Variants in ZNF324B observed in about 807,000 individuals in gnomAD.
The protein encoded by ZNF324B is zinc finger protein 324B.
In ZNF324B, 7 loss-of-function variants were observed where a neutral mutation model predicts 10.6. The observed-to-expected ratio is 0.66, with a 90% CI of 0.38 to 1.24. ZNF324B has a LOEUF of 1.24. Ranked by LOEUF, ZNF324B falls within the 50% of genes most tolerant of loss-of-function variation. ZNF324B has a pLI of 0.02. For missense variants in ZNF324B, 640 were observed against 764.7 expected (o/e 0.84, Z 1.92); for synonymous variants, 316 against 321.0 (o/e 0.98, Z 0.17).
At chr19:58,453,597 G>A (rs2052883150) in intron 1 of ZNF324B, 99 bp from the exon 2 acceptor site, 25 of 1,527,068 alleles carry the variant, frequency 1.6e-5, no homozygotes, top group Non-Finnish European at 2.3e-5. Flanking sequence ...CCCAAGGAAG[G>A]AGGGACACTG....
At chr19:58,437,027 A>C in the ZNF324B span, 1 of 1,614,184 alleles carries the variant, frequency 6.2e-7, no homozygotes, top group East Asian at 2.2e-5. Flanking sequence ...AGTCATCACC[A>C]TGCTGAGACA....
At chr19:58,451,992 C>CG (rs972199090) in intron 1 of ZNF324B, 100 of 235,452 alleles carry the variant, frequency 4.2e-4, no homozygotes, top group Non-Finnish European at 6.2e-4. Flanking sequence ...AAGCCCGCGC[C>CG]GGGGGGGCGG....
chr19:58,425,056 C>T, the ZNF324B span, among the ~76,000 whole-genome samples: 1 of 152,046 alleles, frequency 6.6e-6, no homozygotes, highest in Admixed American at 6.5e-5. Context: ...GAGTTTGAAA[C>T]CAGCATTGCC....
chr19:58,432,986 C>A, the ZNF324B span: 1 of 192,264 alleles, frequency 5.2e-6, no homozygotes, highest in Non-Finnish European at 1.1e-5. Context: ...TCCCTCAAGG[C>A]CCCTCAACCA....
chr19:58,433,563 G>T, the ZNF324B span: 3 of 1,614,020 alleles, frequency 1.9e-6, no homozygotes, highest in Admixed American at 1.7e-5. Flanking sequence ...CACTGCATTC[G>T]TAAGGCCTTT....
rs1008335062 is a variant in ZNF324B at position 58,456,309 on chromosome 19, C to A, written c.1365C>A (p.Cys455Ter). 6.2e-6 allele frequency: 10 copies of A among 1,612,792 alleles called. No homozygotes were observed. The African/African-American group carries it at 1.2e-4, about 19-fold the overall frequency. ...LLHTGERPFR[C>*]VDCGKGFAKG... ...ACACGGGCGAGCGGCCCTTCCGCTG[C>A]GTGGACTGTGGCAAGGGTTTCGCCA... Residue 455 changes from cysteine (C) to a stop codon, truncating the protein, a stop_gained, in exon 4 of 4, where the codon TGC becomes TGA. Transcript: ENST00000336614. LOFTEE classifies it low-confidence loss of function (END_TRUNC). This position sits in a 1 kb window ranked among gnomAD's most constrained non-coding sequence, Gnocchi z 4.7.
At chr19:58,420,743 T>C in the ZNF324B span, among the ~76,000 whole-genome samples, 1 of 151,786 alleles carries the variant, frequency 6.6e-6, no homozygotes, top group Non-Finnish European at 1.5e-5. Context: ...GGAGTCACTC[T>C]GTTGTCCAGG....
chr19:58,433,787 C>G, the ZNF324B span: 3 of 1,613,956 alleles, frequency 1.9e-6, no homozygotes, highest in Non-Finnish European at 2.5e-6. Flanking sequence ...GAGCTGTGAG[C>G]AAAGGCTTTC....
At chr19:58,427,307 C>CTT in the ZNF324B span, among the ~76,000 whole-genome samples, 2 of 65,948 alleles carry the variant, frequency 3.0e-5, no homozygotes, top group Non-Finnish European at 5.2e-5. Context: ...TTCTTTCTTT[C>CTT]TTTCTTTCTT....
the ZNF324B span, among the ~76,000 whole-genome samples, chr19:58,423,222 C>T: frequency 1.3e-5 from 2 of 151,990 alleles, no homozygotes; most frequent in Admixed American, 6.6e-5. Flanking sequence ...TGCAGTGGCG[C>T]GATCTCGGCT....
chr19:58,430,458 C>CA, the ZNF324B span: 1 of 152,222 alleles, frequency 6.6e-6, no homozygotes, highest in Non-Finnish European at 1.5e-5. Flanking sequence ...AATACAGTGC[C>CA]GCCTAAGATT....
the ZNF324B span, chr19:58,445,488 T>A: frequency 1.9e-6 from 1 of 518,754 alleles, no homozygotes; most frequent in Non-Finnish European, 3.8e-6. Context: ...ATAGTAAATG[T>A]AGGAAAGTCT....
the ZNF324B span, chr19:58,443,640 G>C: frequency 6.6e-6 from 1 of 152,222 alleles, no homozygotes; most frequent in Non-Finnish European, 1.5e-5. Context: ...ATGCAGCTGG[G>C]TCGTTTCCTG....
chr19:58,451,070 T>C (rs192669370), upstream of ZNF324B, among the ~76,000 whole-genome samples: 108 of 152,242 alleles, frequency 7.1e-4, 1 homozygote, highest in African/African-American at 2.4e-3. Context: ...GGTAGTGTCA[T>C]TACAGGCTGA....
the ZNF324B span, chr19:58,430,510 CTT>C: frequency 6.6e-6 from 1 of 152,264 alleles, no homozygotes; most frequent in African/African-American, 2.4e-5. Context: ...CCATAACTCT[CTT>C]GTGAATTCTC....
the ZNF324B span, chr19:58,428,958 A>T: frequency 6.6e-6 from 1 of 152,278 alleles, no homozygotes; most frequent in South Asian, 2.1e-4. Context: ...CATTGGGAAC[A>T]GAGGACCAAA....
chr19:58,419,515 G>A, the ZNF324B span, among the ~76,000 whole-genome samples: 1 of 152,196 alleles, frequency 6.6e-6, no homozygotes, highest in Non-Finnish European at 1.5e-5. Context: ...TGGGGTGAGG[G>A]CACCAGAACT....
chr19:58,434,545 A>G, the ZNF324B span: 19 of 1,614,060 alleles, frequency 1.2e-5, no homozygotes, highest in Non-Finnish European at 1.5e-5. Flanking sequence ...TGAGTGACTA[A>G]AGGCCTTCCC....
chr19:58,421,406 T>G, the ZNF324B span, among the ~76,000 whole-genome samples: 1 of 152,168 alleles, frequency 6.6e-6, no homozygotes, highest in African/African-American at 2.4e-5. Flanking sequence ...ATTGTAATTT[T>G]TTTTTCTTTT....
Sources: gnomAD v4.1 joint callset for allele counts (sites outside exome capture counted in the v4.1 genomes callset) on GRCh38, gnomAD v4.1.1 for gene constraint, Gnocchi (gnomAD v3.1) non-coding constraint, MANE v1.5 for transcripts, NCBI Gene and HGNC (gene_info 2026-07-23, HGNC 2026-07-21) for gene names.